Variants in ROCK1 observed in about 807,000 individuals in gnomAD.
ROCK1 encodes the protein Rho associated coiled-coil containing protein kinase 1, also known as rho-associated protein kinase 1.
ROCK1 carries 36 observed loss-of-function variants against 196.8 expected under a neutral mutation model. That is an observed-to-expected ratio of 0.18 (90% CI 0.14 to 0.24). The LOEUF (loss-of-function observed/expected upper bound fraction) is 0.24, where lower values mean the gene tolerates loss of function less well. Ranked by LOEUF, ROCK1 falls within the 10% of genes least tolerant of loss-of-function variation. The pLI, the probability that ROCK1 is intolerant of heterozygous loss-of-function variation, is 1.00. For synonymous variants in ROCK1, 443 were observed against 515.9 expected, an observed-to-expected ratio of 0.86 and a Z score of 1.91; for missense variants, 920 against 1,562.0, an observed-to-expected ratio of 0.59 and a Z score of 6.93.
chr18:21,109,044 A>C (rs1458502760), intron 1 of ROCK1, among the ~76,000 whole-genome samples: 1 of 152,174 alleles, frequency 6.6e-6, no homozygotes, highest in Non-Finnish European at 1.5e-5. Context: ...CCCTCTACCT[A>C]AATCCTATCC....
chr18:20,986,865 G>A, intron 19 of ROCK1, 85 bp downstream of exon 19: 1 of 1,204,742 alleles, frequency 8.3e-7, no homozygotes, highest in East Asian at 2.4e-5. Flanking sequence ...CCTTCATGGT[G>A]TTTAAATTAT....
intron 13 of ROCK1, among the ~76,000 whole-genome samples, chr18:21,009,226 G>A (rs1028258515): frequency 1.4e-5 from 2 of 146,532 alleles, no homozygotes; most frequent in Non-Finnish European, 3.0e-5. Context: ...TGTTGGCCAG[G>A]ATGGTCTCGA....
At position 21,014,065 on chromosome 18, in the gene ROCK1, CAAAAAAAAAAAA is replaced by C. The variant is rs56355855; in HGVS notation, c.1410+1354_1410+1365del. The stretch of plus-strand genomic sequence containing the variant: ...TGGGAAAAAGAGCAAGACTCTGTCT[CAAAAAAAAAAAA>C]AAAAAAAAAGAATGAGGCTACCGTT... On this transcript the variant is annotated intron_variant, in intron 13 of 32. Transcript: ENST00000399799. Among the ~76,000 whole-genome samples the C allele has an allele frequency of 4.3e-5, 3 of 69,830 alleles. No individual in the cohort carries two copies. In the Admixed American group the frequency reaches 4.4e-4, roughly 10 times the overall value. 45.8% of individuals were successfully genotyped at this position (69,830 alleles called of 152,430 possible).
chr18:21,110,983 G>A lies in ROCK1; in HGVS notation c.-73C>T, dbSNP rs1171022311. On this transcript the variant is annotated 5_prime_UTR_variant, in exon 1 of 33. Coordinates refer to ENST00000399799, the MANE Select transcript of ROCK1 (RefSeq NM_005406.3). ...AGCAATTTCAACCAACTTCCTCCGC[G>A]GTGGGTTCGCAGCCGCGGGGCGGAG... 4 of 1,302,846 alleles carry A rather than the reference G, an allele frequency of 3.1e-6. No homozygotes were observed. The highest frequency in any genetic ancestry group is 1.7e-5 in the Admixed American group (1 of 58,118). 80.7% of individuals were successfully genotyped at this position (1,302,846 alleles called of 1,614,324 possible).
intron 1 of ROCK1, among the ~76,000 whole-genome samples, chr18:21,100,921 G>C (rs1172850708): frequency 6.6e-6 from 1 of 152,104 alleles, no homozygotes; most frequent in Non-Finnish European, 1.5e-5. Flanking sequence ...TCCTCACTGT[G>C]ACTAGTCACA....
At chr18:20,970,269 CACTT>C in intron 23 of ROCK1, 75 bp downstream of exon 23, 1 of 1,105,866 alleles carries the variant, frequency 9.0e-7, no homozygotes, top group South Asian at 1.4e-5. Context: ...CTTGCACACA[CACTT>C]ACCCTAATAT....
chr18:21,046,803 T>C (rs1408409212), intron 4 of ROCK1, among the ~76,000 whole-genome samples: 1 of 152,230 alleles, frequency 6.6e-6, no homozygotes, highest in African/African-American at 2.4e-5. Context: ...GTTTCATTTT[T>C]TTCAACTGTG....
chr18:21,017,796 C>T (rs545958936), intron 12 of ROCK1, among the ~76,000 whole-genome samples: 2 of 151,592 alleles, frequency 1.3e-5, no homozygotes, highest in Non-Finnish European at 2.9e-5. Flanking sequence ...CACAGTGAAA[C>T]CCCGTCTCTA....
intron 1 of ROCK1, among the ~76,000 whole-genome samples, chr18:21,092,353 G>A (rs2036577436): frequency 1.3e-5 from 2 of 152,044 alleles, no homozygotes; most frequent in Non-Finnish European, 1.5e-5. Context: ...AAGCCAAGGT[G>A]GGAGGATTGC....
At chr18:21,009,347 A>T (rs777973995) in intron 13 of ROCK1, among the ~76,000 whole-genome samples, 10 of 151,408 alleles carry the variant, frequency 6.6e-5, no homozygotes, top group Non-Finnish European at 1.3e-4. Flanking sequence ...CTCAACATAA[A>T]GACCTTAAAA....
rs1219682936 is a variant in ROCK1, at chr18:20,948,777, C to T, written c.*2607G>A. The T allele has an allele frequency of 6.6e-6, 1 of 152,208 alleles. No homozygotes were observed. Among genetic ancestry groups the T allele is most frequent in the East Asian group, 1.9e-4 (1 of 5,200 alleles). The allele number at this position is 152,208 out of a possible 1,614,324, so 9.4% of individuals were successfully genotyped here. On this transcript the variant is annotated 3_prime_UTR_variant, in exon 33 of 33. Transcript: ENST00000399799. ...TTTAATTTTGGCCACGTAGATGCACCTAGAGAAGGCAGACGTGAGATGCAG... is the reference window on the plus strand; with the variant it reads ...TTTAATTTTGGCCACGTAGATGCACTTAGAGAAGGCAGACGTGAGATGCAG...
intron 2 of ROCK1, among the ~76,000 whole-genome samples, chr18:21,056,383 C>T (rs1366649615): frequency 6.6e-6 from 1 of 152,196 alleles, no homozygotes; most frequent in Non-Finnish European, 1.5e-5. Context: ...GCCGATGGCT[C>T]AATTTTGCTC....
At position 21,033,854 on chromosome 18, in the gene ROCK1, TAAAAA is replaced by T. The variant is rs71269004; in HGVS notation, c.1052-4924_1052-4920del. Reference sequence around the variant, plus strand: ...TAACTCAGTGAAACCCCGTTTCTACTAAAAAAAAAAAAAAAAAAAAAAAAAAAAAA... The same window carrying T: ...TAACTCAGTGAAACCCCGTTTCTACTAAAAAAAAAAAAAAAAAAAAAAAAA... On this transcript the variant is annotated intron_variant, in intron 9 of 32. Coordinates refer to ENST00000399799, the MANE Select transcript of ROCK1 (RefSeq NM_005406.3). Among the ~76,000 whole-genome samples the T allele has an allele frequency of 6.6e-3, 221 of 33,444 alleles. 1 individual carries two copies. Among genetic ancestry groups the T allele is most frequent in the South Asian group, 0.019 (11 of 576 alleles). The allele number at this position is 33,444 out of a possible 152,430, so 21.9% of individuals were successfully genotyped here. A position where few individuals can be genotyped will look rare whatever the true frequency, so the allele number is the denominator to read the frequency against.
intron 18 of ROCK1, among the ~76,000 whole-genome samples, chr18:20,988,139 C>T (rs2035592939): frequency 6.6e-6 from 1 of 151,924 alleles, no homozygotes; most frequent in African/African-American, 2.4e-5. Flanking sequence ...AATCTCGATT[C>T]ACTGCAACTT....
chr18:21,089,534 C>G (rs2036553464), intron 1 of ROCK1, among the ~76,000 whole-genome samples: 1 of 152,182 alleles, frequency 6.6e-6, no homozygotes, highest in African/African-American at 2.4e-5. Flanking sequence ...CAGATATGGA[C>G]AGATGCTCCT....
At chr18:20,969,980 T>C in intron 23 of ROCK1, 1 of 159,696 alleles carries the variant, frequency 6.3e-6, no homozygotes, top group Non-Finnish European at 1.4e-5. Context: ...CCAAATGGTT[T>C]CTCTATATTT....
chr18:21,057,314 G>A (rs1444268538), intron 2 of ROCK1, among the ~76,000 whole-genome samples: 1 of 152,094 alleles, frequency 6.6e-6, no homozygotes, highest in Non-Finnish European at 1.5e-5. Flanking sequence ...TCATAAATAG[G>A]AACCACAGTC....
At chr18:21,082,180 T>C (rs1167654776) in intron 1 of ROCK1, among the ~76,000 whole-genome samples, 3 of 152,084 alleles carry the variant, frequency 2.0e-5, no homozygotes, top group Non-Finnish European at 2.9e-5. Flanking sequence ...CTCAACGTTA[T>C]TTGTTTGCCT....
intron 1 of ROCK1, among the ~76,000 whole-genome samples, chr18:21,083,698 C>A (rs945932961): frequency 1.3e-5 from 2 of 152,082 alleles, no homozygotes; most frequent in African/African-American, 4.8e-5. Flanking sequence ...GTAATATTTT[C>A]TTTTTGCTGG....
Sources: allele counts gnomAD v4.1 joint callset (sites outside exome capture counted in the v4.1 genomes callset), GRCh38; gene constraint gnomAD v4.1.1; transcripts MANE v1.5; gene names NCBI Gene and HGNC (gene_info 2026-07-23, HGNC 2026-07-21).